Variants in CNNM3 observed in about 807,000 individuals in gnomAD.
The protein encoded by CNNM3 is cyclin and CBS domain divalent metal cation transport mediator 3.
CNNM3 carries 47 observed loss-of-function variants against 57.1 expected under a neutral mutation model. That is an observed-to-expected ratio of 0.82 (90% CI 0.65 to 1.05). CNNM3 has a LOEUF of 1.05. Among genes scored for constraint, CNNM3 ranks in the 50% least tolerant of loss-of-function variants. The probability of loss-of-function intolerance (pLI) is 0.00; values close to 1 mark genes in which losing one functional copy is unlikely to be tolerated. For missense variants in CNNM3, 957 were observed against 973.7 expected, an observed-to-expected ratio of 0.98 and a Z score of 0.23; for synonymous variants, 507 against 478.2, an observed-to-expected ratio of 1.06 and a Z score of -0.79.
intron 1 of CNNM3, among the ~76,000 whole-genome samples, chr2:96,824,188 C>T (rs966888005): frequency 6.6e-6 from 1 of 152,152 alleles, no homozygotes; most frequent in Non-Finnish European, 1.5e-5. Context: ...GAAGCCTCCC[C>T]AGCATTCCCC....
At chr2:96,821,630 A>G (rs1470979761) in intron 1 of CNNM3, among the ~76,000 whole-genome samples, 1 of 151,534 alleles carries the variant, frequency 6.6e-6, no homozygotes, top group Non-Finnish European at 1.5e-5. Context: ...TCCTTGACTT[A>G]CAAATGGAGT....
chr2:96,816,516 C>T lies in CNNM3; in HGVS notation c.239C>T (p.Ala80Val). ...GCCAACAGCTCTTGGTCCTGGGTGG[C>T]CCCGGAGGGGGCGGGCTGCCGGGAG... ...GFANSSWSWV[A>V]PEGAGCREEA... Residue 80 changes from alanine to valine, a missense_variant, in exon 1 of 8, where the codon GCC becomes GTC. By Grantham distance (64) the Ala-to-Val change is moderately conservative. Coordinates refer to ENST00000305510, the MANE Select transcript of CNNM3 (RefSeq NM_017623.5). The T allele has an allele frequency of 1.4e-6, 2 of 1,395,322 alleles. No individual in the cohort carries two copies. The highest frequency in any genetic ancestry group is 9.3e-7 in the Non-Finnish European group (1 of 1,072,820). 86.4% of individuals were successfully genotyped at this position (1,395,322 alleles called of 1,614,324 possible).
chr2:96,832,405 C>T, intron 7 of CNNM3, 147 bp from the exon 8 acceptor site: 1 of 1,515,014 alleles, frequency 6.6e-7, no homozygotes, highest in Non-Finnish European at 8.8e-7. Context: ...TAACCAGTCG[C>T]TCCTGTTTCT....
intron 2 of CNNM3, among the ~76,000 whole-genome samples, chr2:96,825,419 T>C (rs796818515): frequency 3.9e-5 from 6 of 152,302 alleles, no homozygotes; most frequent in African/African-American, 1.4e-4. Context: ...GTGCCAGCGG[T>C]GGCCTTGCAA....
In CNNM3 at chr2:96,816,714, C is replaced by T. The variant is rs1375543379; in HGVS notation, c.437C>T (p.Ala146Val). 8.9e-6 allele frequency: 9 copies of T among 1,011,878 alleles called. No individual in the cohort carries two copies. The highest frequency in any genetic ancestry group is 1.1e-5 in the Non-Finnish European group (9 of 849,286). 62.7% of individuals were successfully genotyped at this position (1,011,878 alleles called of 1,614,324 possible). ...ALGLGAAGLL[A>V]LAALARGLQL... Reference sequence around the variant, plus strand: ...GGCCTGGGGGCGGCCGGGCTGCTGGCGCTGGCAGCGCTGGCGCGAGGCCTG... The same window carrying T: ...GGCCTGGGGGCGGCCGGGCTGCTGGTGCTGGCAGCGCTGGCGCGAGGCCTG... Residue 146 changes from alanine to valine, a missense_variant, in exon 1 of 8, where the codon GCG becomes GTG. Around this residue, in one of 2 missense-constraint regions of CNNM3, gnomAD observed 466 missense variants for 403.1 expected, o/e 1.16. Transcript: ENST00000305510.
intron 1 of CNNM3, 130 bp downstream of exon 1, chr2:96,817,632 T>C: frequency 1.2e-6 from 1 of 848,340 alleles, no homozygotes. Context: ...CTAAGGTCCC[T>C]TTTCAAGACG....
In CNNM3 at chr2:96,834,310, A is replaced by C. The variant is rs1160168228; in HGVS notation, c.*1694A>C. 3.3e-5 allele frequency among the ~76,000 whole-genome samples: 5 copies of C among 150,712 alleles called. No homozygotes were observed. Among genetic ancestry groups the C allele is most frequent in the African/African-American group, 4.9e-5 (2 of 40,550 alleles). ...GTGATTTAATCAGAGTCGGCATCAG[A>C]GTTTTCAATTTTTTATTTATTTATT... On this transcript the variant is annotated 3_prime_UTR_variant, in exon 8 of 8. Transcript: ENST00000305510.
chr2:96,817,107 TGGAGCTGGCGGCG>T lies in CNNM3; in HGVS notation c.831_843del (p.Glu278GlyfsTer138). 7.5e-7 allele frequency: 1 copy of T among 1,341,590 alleles called. No individual in the cohort carries two copies. Among genetic ancestry groups the T allele is most frequent in the Admixed American group, 4.1e-5 (1 of 24,502 alleles). The allele number at this position is 1,341,590 out of a possible 1,614,324, so 83.1% of individuals were successfully genotyped here. A position where few individuals can be genotyped will look rare whatever the true frequency, so the allele number is the denominator to read the frequency against. ...GTCGCGCTGCCCGTGGGGCAGCTGC[TGGAGCTGGCGGCG>T]CGGCCCGGGCGGCTGCGGGAGCGGG... is the stretch of plus-strand genomic sequence containing the variant. On this transcript the variant is annotated frameshift_variant, in exon 1 of 8. Coordinates refer to ENST00000305510, the MANE Select transcript of CNNM3 (RefSeq NM_017623.5). LOFTEE classifies it high-confidence loss of function.
In CNNM3 at chr2:96,816,405, C is replaced by A; in HGVS notation, c.128C>A (p.Ala43Glu). The A allele has an allele frequency of 7.3e-7, 1 of 1,371,024 alleles. No individual in the cohort carries two copies. Among genetic ancestry groups the A allele is most frequent in the Non-Finnish European group, 9.4e-7 (1 of 1,064,538 alleles). The allele number at this position is 1,371,024 out of a possible 1,614,324, so 84.9% of individuals were successfully genotyped here. The change falls in exon 1 of 8, where the codon GCG becomes GAG. Residue 43 changes from alanine to glutamate, a missense_variant. This residue lies in a region of CNNM3 where 466 missense variants were observed against 403.1 expected (regional missense o/e 1.16). Transcript: ENST00000305510. ...GGCTTCTGCCTGGAGGAGGATGGAG[C>A]GGCGGGCGCGGGTTGGGTACGCGGA... ...VLGFCLEEDG[A>E]AGAGWVRGGA...
chr2:96,836,304 G>A (rs1007544579), downstream of CNNM3, among the ~76,000 whole-genome samples: 2 of 149,472 alleles, frequency 1.3e-5, no homozygotes, highest in Non-Finnish European at 1.5e-5. Flanking sequence ...GTTCAATGGC[G>A]TGGTCTCGGC....
chr2:96,819,010 C>T (rs936013104), intron 1 of CNNM3, among the ~76,000 whole-genome samples: 2 of 152,196 alleles, frequency 1.3e-5, no homozygotes, highest in Admixed American at 1.3e-4. Flanking sequence ...TGGGCACTTT[C>T]TGTGTAATCT....
chr2:96,816,327 C>T lies in CNNM3; in HGVS notation c.50C>T (p.Ala17Val). Residue 17 changes from alanine (A) to valine (V), a missense_variant, in exon 1 of 8, where the codon GCG (alanine) becomes GTG (valine). Coordinates refer to ENST00000305510, the MANE Select transcript of CNNM3 (RefSeq NM_017623.5). ...GGTCGGTTAGGCTGGTTGTTCGCCG[C>T]GCTCTGCCTGGGCAACGCCGCGGGG... ...AAGRLGWLFAALCLGNAAGEA... is the reference protein window; with the variant it reads ...AAGRLGWLFAVLCLGNAAGEA... The T allele has an allele frequency of 3.9e-6, 5 of 1,287,996 alleles. No homozygotes were observed. The highest frequency in any genetic ancestry group is 4.9e-6 in the Non-Finnish European group (5 of 1,018,420). The allele number at this position is 1,287,996 out of a possible 1,614,324, so 79.8% of individuals were successfully genotyped here. A position where few individuals can be genotyped will look rare whatever the true frequency, so the allele number is the denominator to read the frequency against.
At chr2:96,817,603 G>C (rs2079344316) in intron 1 of CNNM3, 101 bp downstream of exon 1, 6 of 1,141,196 alleles carry the variant, frequency 5.3e-6, no homozygotes, top group Non-Finnish European at 7.6e-6. Context: ...TCCCACCCCT[G>C]TGGAGAGCAG....
chr2:96,832,752 C>T lies in CNNM3; in HGVS notation c.*136C>T, dbSNP rs1394375556. The T allele has an allele frequency of 2.2e-5, 33 of 1,529,982 alleles. No individual in the cohort carries two copies. Among genetic ancestry groups the T allele is most frequent in the Non-Finnish European group, 2.9e-5 (33 of 1,143,096 alleles). 94.8% of individuals were successfully genotyped at this position (1,529,982 alleles called of 1,614,324 possible). On this transcript the variant is annotated 3_prime_UTR_variant, in exon 8 of 8. Coordinates refer to ENST00000305510, the MANE Select transcript of CNNM3 (RefSeq NM_017623.5). ...TTAGATGGCCCTTGTAGTTGCGGGT[C>T]CTGGGTGTCCTCAGAACTAGACATC...
chr2:96,833,356 A>G lies in CNNM3; in HGVS notation c.*740A>G. On this transcript the variant is annotated 3_prime_UTR_variant, in exon 8 of 8. Transcript: ENST00000305510. ...GTGTTGTCAGTTCCCGTGTTCTGAG[A>G]AGAGGTCATGCCTGGGAGGAAGGGA... 1 of 274,176 alleles carries G rather than the reference A, an allele frequency of 3.6e-6. No individual in the cohort carries two copies. The allele number at this position is 274,176 out of a possible 1,614,324, so 17.0% of individuals were successfully genotyped here.
intron 1 of CNNM3, among the ~76,000 whole-genome samples, chr2:96,819,542 G>A (rs1466050410): frequency 6.6e-6 from 1 of 152,188 alleles, no homozygotes; most frequent in Non-Finnish European, 1.5e-5. Context: ...TGCCAATCCA[G>A]GAGCAAGGGG....
intron 7 of CNNM3, chr2:96,832,190 G>C (rs548763477): frequency 9.7e-7 from 1 of 1,030,298 alleles, no homozygotes; most frequent in Admixed American, 5.5e-5. Context: ...TGGGGTGGGC[G>C]CTCCCTTCCA....
At chr2:96,836,647 T>G (rs1417052906), downstream of CNNM3, 2 of 152,344 alleles carry the variant, frequency 1.3e-5, no homozygotes, top group East Asian at 3.9e-4. Flanking sequence ...CCCAAAGTAC[T>G]ACAATTACAG....
At position 96,816,456 on chromosome 2, in the gene CNNM3, C is replaced by G. The variant is rs1293005758; in HGVS notation, c.179C>G (p.Ala60Gly). Reference sequence around the variant, plus strand: ...GGGGCGGCGCGGGACACGCCGGACGCCACCTTCCTCCTGCGCCTCTTCGGC... The same window carrying G: ...GGGGCGGCGCGGGACACGCCGGACGGCACCTTCCTCCTGCGCCTCTTCGGC... ...RGGAARDTPD[A>G]TFLLRLFGPG... is the part of the protein sequence containing the mutation. The change falls in exon 1 of 8, where the codon GCC becomes GGC. Residue 60 changes from alanine to glycine, a missense_variant. Transcript: ENST00000305510. The G allele has an allele frequency of 2.1e-6, 3 of 1,447,750 alleles. No individual in the cohort carries two copies. Among genetic ancestry groups the G allele is most frequent in the Non-Finnish European group, 1.8e-6 (2 of 1,100,620 alleles). The allele number at this position is 1,447,750 out of a possible 1,614,324, so 89.7% of individuals were successfully genotyped here.
Sources: gnomAD v4.1 joint callset for allele counts (sites outside exome capture counted in the v4.1 genomes callset) on GRCh38, gnomAD v4.1.1 for gene constraint, gnomAD v4.1.1 regional missense constraint, MANE v1.5 for transcripts, NCBI Gene and HGNC (gene_info 2026-07-23, HGNC 2026-07-21) for gene names.